CCBE1: variants seen among roughly 807,000 people sequenced by gnomAD.
The protein encoded by CCBE1 is collagen and calcium binding EGF domains 1, also known as collagen and calcium-binding EGF domain-containing protein 1.
In CCBE1, 37 loss-of-function variants were observed where a neutral mutation model predicts 50.0. The ratio of observed to expected loss-of-function variants is 0.74; its 90% CI spans 0.57 to 0.97. CCBE1 has a LOEUF of 0.97. Among genes scored for constraint, CCBE1 ranks in the 50% least tolerant of loss-of-function variants. The pLI, the probability that CCBE1 is intolerant of heterozygous loss-of-function variation, is 0.00. For missense variants in CCBE1, 538 were observed against 523.8 expected (o/e 1.03, Z -0.26); for synonymous variants, 234 against 203.7 (o/e 1.15, Z -1.27).
At chr18:59,448,791 T>C (rs995691773) in intron 6 of CCBE1, among the ~76,000 whole-genome samples, 7 of 152,242 alleles carry the variant, frequency 4.6e-5, no homozygotes, top group Non-Finnish European at 7.3e-5. Context: ...TAGGGATGAC[T>C]GTAAGAATCA....
intron 2 of CCBE1, among the ~76,000 whole-genome samples, chr18:59,562,963 A>G (rs376444062): frequency 3.2e-4 from 49 of 152,362 alleles, no homozygotes; most frequent in African/African-American, 1.2e-3. Flanking sequence ...GGACTCTTCC[A>G]TATAAGTCAC....
intron 5 of CCBE1, among the ~76,000 whole-genome samples, chr18:59,466,371 G>A (rs1003989366): frequency 7.9e-5 from 12 of 152,024 alleles, no homozygotes; most frequent in East Asian, 3.9e-4. Context: ...CGTGTAAGAC[G>A]TGCCTTTGCT....
intron 2 of CCBE1, among the ~76,000 whole-genome samples, chr18:59,584,463 T>C (rs2053145874): frequency 6.6e-6 from 1 of 151,810 alleles, no homozygotes; most frequent in Admixed American, 6.6e-5. Flanking sequence ...AACTAACCTG[T>C]ACATTGTGCA....
intron 7 of CCBE1, among the ~76,000 whole-genome samples, chr18:59,443,229 C>T (rs542563794): frequency 2.9e-4 from 44 of 152,246 alleles, no homozygotes; most frequent in Admixed American, 6.5e-4. Context: ...GTTGGGTTAG[C>T]GGCGCTTCCC....
At chr18:59,656,289 CAAG>C (rs1354782722) in intron 2 of CCBE1, among the ~76,000 whole-genome samples, 1 of 152,104 alleles carries the variant, frequency 6.6e-6, no homozygotes, top group Non-Finnish European at 1.5e-5. Flanking sequence ...CTTAATGAAA[CAAG>C]AAAGTATATT....
intron 2 of CCBE1, among the ~76,000 whole-genome samples, chr18:59,543,504 A>G (rs1915549593): frequency 6.6e-6 from 1 of 152,218 alleles, no homozygotes; most frequent in Non-Finnish European, 1.5e-5. Flanking sequence ...AGTTGAAGAC[A>G]AGGATTGTAT....
At chr18:59,640,562 C>A (rs2053973527) in intron 2 of CCBE1, among the ~76,000 whole-genome samples, 1 of 152,044 alleles carries the variant, frequency 6.6e-6, no homozygotes, top group African/African-American at 2.4e-5. Flanking sequence ...ATTCTGGACA[C>A]AGGAACTGGG....
intron 2 of CCBE1, among the ~76,000 whole-genome samples, chr18:59,543,856 A>T (rs1267996164): frequency 4.0e-5 from 6 of 150,928 alleles, no homozygotes; most frequent in Non-Finnish European, 4.4e-5. Context: ...AAAAAAAAAA[A>T]AACAGAAAAC....
At chr18:59,642,948 C>CAAAAAAAA (rs10683687) in intron 2 of CCBE1, among the ~76,000 whole-genome samples, 42 of 94,162 alleles carry the variant, frequency 4.5e-4, no homozygotes, top group African/African-American at 1.6e-3. Flanking sequence ...GACTCCACCT[C>CAAAAAAAA]AAAAAAAAAA....
At chr18:59,510,177 G>C (rs1213994344) in intron 2 of CCBE1, among the ~76,000 whole-genome samples, 1 of 152,160 alleles carries the variant, frequency 6.6e-6, no homozygotes, top group Non-Finnish European at 1.5e-5. Flanking sequence ...TATTTTTCCT[G>C]CAAGTCCATT....
At chr18:59,484,618 A>C (rs9966402) in intron 2 of CCBE1, among the ~76,000 whole-genome samples, 11,880 of 152,286 alleles carry the variant, frequency 0.078, 615 homozygotes, top group East Asian at 0.3. Flanking sequence ...TCAAAAGGCT[A>C]TGGAACTCCA....
At position 59,435,585 on chromosome 18, in the gene CCBE1, T is replaced by A; in HGVS notation, c.*323A>T. On this transcript the variant is annotated 3_prime_UTR_variant, in exon 11 of 11. Coordinates refer to ENST00000439986, the MANE Select transcript of CCBE1 (RefSeq NM_133459.4). ...TGCCAAATTTAACTTCAAGAATTTA[T>A]GATTTAAGACACTGTGAGAGTACTT... 2.8e-6 allele frequency: 1 copy of A among 358,982 alleles called. No homozygotes were observed. Among genetic ancestry groups the A allele is most frequent in the Non-Finnish European group, 5.2e-6 (1 of 192,254 alleles). 22.2% of individuals were successfully genotyped at this position (358,982 alleles called of 1,614,324 possible).
Position 59,433,209 on chromosome 18 carries a change from G to A in CCBE1, c.*2699C>T, listed in dbSNP as rs1336118390. On this transcript the variant is annotated 3_prime_UTR_variant, in exon 11 of 11. Transcript: ENST00000439986. ...AAAAGTCTCCTTTATTCGAAAAGAG[G>A]CAGACTGGTTCCTGGGGTTACTGCC... The A allele has an allele frequency of 6.6e-6, 1 of 152,094 alleles. No individual in the cohort carries two copies. The highest frequency in any genetic ancestry group is 1.5e-5 in the Non-Finnish European group (1 of 68,012). 9.4% of individuals were successfully genotyped at this position (152,094 alleles called of 1,614,324 possible).
Position 59,433,461 on chromosome 18 carries a change from T to A in CCBE1, c.*2447A>T, listed in dbSNP as rs1481719509. Reference sequence around the variant, plus strand: ...AGCAAAGTGTTCATGAAAGACTCGGTCACATGCTGACTGACATGAGTCCTG... The same window carrying A: ...AGCAAAGTGTTCATGAAAGACTCGGACACATGCTGACTGACATGAGTCCTG... On this transcript the variant is annotated 3_prime_UTR_variant, in exon 11 of 11. Coordinates refer to ENST00000439986, the MANE Select transcript of CCBE1 (RefSeq NM_133459.4). 6.6e-6 allele frequency: 1 copy of A among 152,058 alleles called. No individual in the cohort carries two copies. The highest frequency in any genetic ancestry group is 3.2e-3 in the Middle Eastern group (1 of 316). 9.4% of individuals were successfully genotyped at this position (152,058 alleles called of 1,614,324 possible). A position where few individuals can be genotyped will look rare whatever the true frequency, so the allele number is the denominator to read the frequency against.
intron 2 of CCBE1, among the ~76,000 whole-genome samples, chr18:59,552,304 T>C (rs914466908): frequency 6.6e-6 from 1 of 152,224 alleles, no homozygotes; most frequent in Admixed American, 6.5e-5. Flanking sequence ...CAAATTATTG[T>C]GAGCATTTTT....
chr18:59,662,196 G>A (rs2054295662), intron 2 of CCBE1, among the ~76,000 whole-genome samples: 1 of 152,148 alleles, frequency 6.6e-6, no homozygotes, highest in African/African-American at 2.4e-5. Flanking sequence ...ACTGCAGAAG[G>A]GTACTTGTTT....
At position 59,689,485 on chromosome 18, in the gene CCBE1, C is replaced by T. The variant is rs114117111; in HGVS notation, c.212+7144G>A. Among the ~76,000 whole-genome samples the T allele has an allele frequency of 8.2e-3, 1,255 of 152,278 alleles. 21 individuals are homozygous for T. The highest frequency in any genetic ancestry group is 0.028 in the African/African-American group (1,150 of 41,542). On this transcript the variant is annotated intron_variant, in intron 2 of 10. Transcript: ENST00000439986. The stretch of plus-strand genomic sequence containing the variant: ...ATCATACCTTAAAGCTAGAAAGATG[C>T]GACATTTTGCTTAATGAGGATTAAG...
intron 2 of CCBE1, among the ~76,000 whole-genome samples, chr18:59,664,628 A>C (rs928926627): frequency 6.6e-6 from 1 of 152,172 alleles, no homozygotes; most frequent in Non-Finnish European, 1.5e-5. Flanking sequence ...GGCTGCTGCC[A>C]TTAAGCACCT....
chr18:59,579,515 A>C (rs1218277228), intron 2 of CCBE1, among the ~76,000 whole-genome samples: 1 of 152,222 alleles, frequency 6.6e-6, no homozygotes, highest in African/African-American at 2.4e-5. Context: ...CTAAGATTGG[A>C]AACTACTATC....
Sources: allele counts gnomAD v4.1 joint callset (sites outside exome capture counted in the v4.1 genomes callset), GRCh38; gene constraint gnomAD v4.1.1; transcripts MANE v1.5; gene names NCBI Gene and HGNC (gene_info 2026-07-23, HGNC 2026-07-21).